PDE8B: variants seen among roughly 807,000 people sequenced by gnomAD.
PDE8B encodes phosphodiesterase 8B.
A neutral mutation model predicts 101.3 loss-of-function variants in PDE8B; 26 were observed. That is an observed-to-expected ratio of 0.26 (90% CI 0.19 to 0.36). PDE8B has a LOEUF of 0.36. Ranked by LOEUF, PDE8B falls within the 10% of genes least tolerant of loss-of-function variation. The pLI is 1.00. For synonymous variants in PDE8B, 424 were observed against 429.3 expected (o/e 0.99, Z 0.15); for missense variants, 810 against 1,163.1 (o/e 0.70, Z 4.42).
chr5:77,232,156 T>C (rs891699840), intron 1 of PDE8B, among the ~76,000 whole-genome samples: 3 of 152,262 alleles, frequency 2.0e-5, no homozygotes, highest in Non-Finnish European at 2.9e-5. Flanking sequence ...TGAGAAATTT[T>C]GCAAGCATAG....
At chr5:77,172,448 T>G in the PDE8B span, among the ~76,000 whole-genome samples, 1 of 152,220 alleles carries the variant, frequency 6.6e-6, no homozygotes, top group Admixed American at 6.5e-5. Flanking sequence ...TAATTCTGCT[T>G]CTAGTAACTT....
rs148862154 is a variant in PDE8B at position 77,409,444 on chromosome 5, T to C, written c.1530+387T>C. Among the ~76,000 whole-genome samples the C allele has an allele frequency of 3.8e-3, 579 of 152,328 alleles. 2 individuals are homozygous for C. The highest frequency in any genetic ancestry group is 0.013 in the African/African-American group (555 of 41,574). ...CATGGACCTCAGATTCCTCATGTAA[T>C]GAAAGGGTTTATTGTTAGACTATAG... On this transcript the variant is annotated intron_variant, in intron 14 of 21. Coordinates refer to ENST00000264917, the MANE Select transcript of PDE8B (RefSeq NM_003719.5).
At chr5:77,091,620 G>A in the PDE8B span, among the ~76,000 whole-genome samples, 1 of 152,062 alleles carries the variant, frequency 6.6e-6, no homozygotes, top group Non-Finnish European at 1.5e-5. Context: ...CAGACTGGGC[G>A]ACAGAGTGAG....
intron 1 of PDE8B, chr5:77,291,356 A>T (rs1282813761): frequency 6.2e-7 from 1 of 1,612,200 alleles, no homozygotes; most frequent in Admixed American, 1.7e-5. Context: ...CAAAGAAAGA[A>T]GGTAGCACAG....
At chr5:77,303,601 T>G (rs1474363180) in intron 1 of PDE8B, among the ~76,000 whole-genome samples, 1 of 151,764 alleles carries the variant, frequency 6.6e-6, no homozygotes, top group Non-Finnish European at 1.5e-5. Context: ...AATAAATAAA[T>G]AGGTCATTCA....
chr5:77,132,777 G>A, the PDE8B span, among the ~76,000 whole-genome samples: 1 of 152,132 alleles, frequency 6.6e-6, no homozygotes, highest in Non-Finnish European at 1.5e-5. Context: ...CGTCTTTTTG[G>A]TGGTTCTTAT....
At chr5:77,165,711 A>G in the PDE8B span, among the ~76,000 whole-genome samples, 2 of 152,182 alleles carry the variant, frequency 1.3e-5, no homozygotes, top group East Asian at 1.9e-4. Flanking sequence ...AGGTCTAAGA[A>G]AGATAAGAAC....
intron 10 of PDE8B, among the ~76,000 whole-genome samples, chr5:77,355,293 C>A (rs74693385): frequency 0.19 from 28,325 of 152,192 alleles, 3,311 homozygotes; most frequent in Middle Eastern, 0.32. Context: ...ATTGACGTCA[C>A]CTAATGGTAC....
intron 1 of PDE8B, among the ~76,000 whole-genome samples, chr5:77,223,923 C>T (rs1308095793): frequency 6.6e-6 from 1 of 152,204 alleles, no homozygotes; most frequent in African/African-American, 2.4e-5. Flanking sequence ...AGTTTATTGT[C>T]TCTGGATGTT....
At chr5:77,222,190 C>A (rs920767620) in intron 1 of PDE8B, among the ~76,000 whole-genome samples, 1 of 152,130 alleles carries the variant, frequency 6.6e-6, no homozygotes, top group Non-Finnish European at 1.5e-5. Context: ...TCTCCTTGCA[C>A]GGTAGGGATA....
intron 1 of PDE8B, among the ~76,000 whole-genome samples, chr5:77,218,546 T>C (rs760813108): frequency 1.3e-5 from 2 of 152,192 alleles, no homozygotes; most frequent in Non-Finnish European, 2.9e-5. Context: ...ACTGCAGTTA[T>C]TTAGAGCAGA....
chr5:77,369,438 G>A (rs1784707250), intron 10 of PDE8B, among the ~76,000 whole-genome samples: 1 of 152,064 alleles, frequency 6.6e-6, no homozygotes, highest in East Asian at 1.9e-4. Flanking sequence ...GGATGAGGGT[G>A]TGCTGGACCG....
At chr5:77,291,589 G>A (rs1387325208) in intron 1 of PDE8B, 11 of 1,598,080 alleles carry the variant, frequency 6.9e-6, no homozygotes, top group African/African-American at 5.4e-5. Context: ...AGAATCTTTC[G>A]CTGGCTTGGA....
intron 1 of PDE8B, among the ~76,000 whole-genome samples, chr5:77,262,501 C>T (rs562559494): frequency 5.5e-4 from 84 of 152,324 alleles, no homozygotes; most frequent in Non-Finnish European, 9.3e-4. Context: ...AAGTGACAGG[C>T]CTGATTACAT....
the PDE8B span, among the ~76,000 whole-genome samples, chr5:77,137,886 A>G: frequency 6.6e-6 from 1 of 152,154 alleles, no homozygotes; most frequent in Admixed American, 6.5e-5. Context: ...GGCAAGGAGG[A>G]CACCAAATCT....
At chr5:77,200,895 G>T in the PDE8B span, among the ~76,000 whole-genome samples, 1 of 152,212 alleles carries the variant, frequency 6.6e-6, no homozygotes, top group Non-Finnish European at 1.5e-5. Context: ...TTGCCTTGGA[G>T]ATGTTTAATG....
At chr5:77,180,442 G>A in the PDE8B span, 9 of 985,356 alleles carry the variant, frequency 9.1e-6, no homozygotes, top group African/African-American at 1.7e-5. Flanking sequence ...GGAGCCGCCC[G>A]CCGCCGGCAT....
upstream of PDE8B, among the ~76,000 whole-genome samples, chr5:77,209,849 G>C (rs1357992213): frequency 6.6e-6 from 1 of 152,212 alleles, no homozygotes; most frequent in Non-Finnish European, 1.5e-5. Flanking sequence ...TCTTGCCTTG[G>C]ATCTTAGGGG....
the PDE8B span, chr5:77,144,942 ATTAT>A: frequency 6.6e-6 from 1 of 152,104 alleles, no homozygotes; most frequent in Admixed American, 6.5e-5. Context: ...ATCTTTATTA[ATTAT>A]TTAATAAACA....
Sources: allele counts gnomAD v4.1 joint callset (sites outside exome capture counted in the v4.1 genomes callset), GRCh38; gene constraint gnomAD v4.1.1; transcripts MANE v1.5; gene names NCBI Gene and HGNC (gene_info 2026-07-23, HGNC 2026-07-21).